Variants in BDH1 observed in about 807,000 individuals in gnomAD.
The protein encoded by BDH1 is 3-hydroxybutyrate dehydrogenase 1, also known as D-beta-hydroxybutyrate dehydrogenase, mitochondrial.
A neutral mutation model predicts 33.1 loss-of-function variants in BDH1; 30 were observed. The observed-to-expected ratio is 0.91, with a 90% CI of 0.68 to 1.23. The LOEUF (loss-of-function observed/expected upper bound fraction) is 1.23. BDH1 is among the 50% of genes most tolerant of loss of function. The pLI, the probability that BDH1 is intolerant of heterozygous loss-of-function variation, is 0.00. For synonymous variants in BDH1, 190 were observed against 183.6 expected (o/e 1.03, Z -0.28); for missense variants, 443 against 464.4 (o/e 0.95, Z 0.42).
rs1230528196 is a variant in BDH1, at chr3:197,520,053, T to C, written c.409+2587A>G. On this transcript the variant is annotated intron_variant, in intron 6 of 7. Transcript: ENST00000392379. The surrounding 1 kb of genome is among the most constrained non-coding windows in gnomAD (Gnocchi z 6.0). ...TGGGGTGTGGGTCGGTGGCGGCCAC[T>C]GCGGGTCGGAACGCTCTGGGAGGGT... Among the ~76,000 whole-genome samples, 1 of 151,746 alleles carries C rather than the reference T, an allele frequency of 6.6e-6. No homozygotes were observed. Among genetic ancestry groups the C allele is most frequent in the African/African-American group, 2.4e-5 (1 of 41,274 alleles).
At chr3:197,524,065 G>A (rs993563307) in intron 5 of BDH1, among the ~76,000 whole-genome samples, 1 of 152,222 alleles carries the variant, frequency 6.6e-6, no homozygotes, top group African/African-American at 2.4e-5. Context: ...CGTGTCACCA[G>A]GCAGGCTGCA....
intron 2 of BDH1, among the ~76,000 whole-genome samples, chr3:197,548,111 C>T (rs141534824): frequency 5.0e-4 from 76 of 152,354 alleles, no homozygotes; most frequent in African/African-American, 1.5e-3. Context: ...TGGATGGGAG[C>T]TGAGCGGGCT....
intron 3 of BDH1, among the ~76,000 whole-genome samples, chr3:197,541,572 C>T (rs1715626650): frequency 2.0e-5 from 3 of 152,006 alleles, no homozygotes; most frequent in Admixed American, 2.0e-4. Flanking sequence ...TTATGGAAAC[C>T]CAGGTGACAG....
At position 197,511,294 on chromosome 3, in the gene BDH1, G is replaced by A. The variant is rs1463111497; in HGVS notation, c.*601C>T. On this transcript the variant is annotated 3_prime_UTR_variant, in exon 8 of 8. Transcript: ENST00000392379. ...AGCCAGCTCTGAGTCACTGGCTGCT[G>A]GCTGGCCAGTCACACAGCACCATGG... 6.6e-6 allele frequency: 1 copy of A among 152,444 alleles called. No homozygotes were observed. Among genetic ancestry groups the A allele is most frequent in the Non-Finnish European group, 1.5e-5 (1 of 68,246 alleles). The allele number at this position is 152,444 out of a possible 1,614,324, so 9.4% of individuals were successfully genotyped here.
At chr3:197,552,260 T>A (rs944107412) in intron 2 of BDH1, among the ~76,000 whole-genome samples, 5 of 152,126 alleles carry the variant, frequency 3.3e-5, no homozygotes, top group Admixed American at 1.3e-4. Context: ...ATATCTAGGA[T>A]CCTCCGCTAC....
At chr3:197,513,830 A>C (rs1712376392) in intron 7 of BDH1, among the ~76,000 whole-genome samples, 1 of 152,198 alleles carries the variant, frequency 6.6e-6, no homozygotes, top group African/African-American at 2.4e-5. Flanking sequence ...CCAAATTTCT[A>C]ATCTTGATTT....
Position 197,533,022 on chromosome 3 carries a change from C to T in BDH1, c.156+467G>A, listed in dbSNP as rs555288934. The stretch of plus-strand genomic sequence containing the variant: ...CCTCCCAAGTAGCTGGGATTACAGG[C>T]ATGCACCTCCACGCCCGGCTAATTT... On this transcript the variant is annotated intron_variant, in intron 4 of 7. Transcript: ENST00000392379. 3.9e-4 allele frequency among the ~76,000 whole-genome samples: 60 copies of T among 152,310 alleles called. 1 individual carries two copies. Among genetic ancestry groups the T allele is most frequent in the Non-Finnish European group, 4.4e-4 (30 of 68,036 alleles).
At chr3:197,518,852 C>A (rs1255690185) in intron 6 of BDH1, among the ~76,000 whole-genome samples, 1 of 20,876 alleles carries the variant, frequency 4.8e-5, no homozygotes, top group Non-Finnish European at 7.9e-5. Context: ...CTCAGGCCGA[C>A]CCCCCTCATC....
chr3:197,510,697 G>GTGTGTGTGTGTGTACA lies in BDH1; in HGVS notation c.*1197_*1198insTGTACACACACACACA, dbSNP rs1711920956. 1 of 101,702 alleles carries GTGTGTGTGTGTGTACA rather than the reference G, an allele frequency of 9.8e-6. No homozygotes were observed. Among genetic ancestry groups the GTGTGTGTGTGTGTACA allele is most frequent in the Non-Finnish European group, 2.1e-5 (1 of 48,760 alleles). 6.3% of individuals were successfully genotyped at this position (101,702 alleles called of 1,614,324 possible). On this transcript the variant is annotated 3_prime_UTR_variant, in exon 8 of 8. Coordinates refer to ENST00000392379, the MANE Select transcript of BDH1 (RefSeq NM_203314.3). Reference sequence around the variant, plus strand: ...ACATGTGTGTAAGGTGTGTGTGTGTGTGTGTGTGTGTGTGTGTGTGTACAT... The same window carrying GTGTGTGTGTGTGTACA: ...ACATGTGTGTAAGGTGTGTGTGTGTGTGTGTGTGTGTGTACATGTGTGTGTGTGTGTGTGTGTACAT...
rs1712687218 is a variant in BDH1, at chr3:197,516,015, G to A, written c.410-1599C>T. Among the ~76,000 whole-genome samples, 1 of 152,140 alleles carries A rather than the reference G, an allele frequency of 6.6e-6. No homozygotes were observed. Among genetic ancestry groups the A allele is most frequent in the Non-Finnish European group, 1.5e-5 (1 of 68,024 alleles). Reference sequence around the variant, plus strand: ...ACGCAGTCTCCAGGGTCTCCAGGGTGGTACACCAAGGACCTCACCCCCAGT... The same window carrying A: ...ACGCAGTCTCCAGGGTCTCCAGGGTAGTACACCAAGGACCTCACCCCCAGT... On this transcript the variant is annotated intron_variant, in intron 6 of 7. Transcript: ENST00000392379. This position sits in a 1 kb window ranked among gnomAD's most constrained non-coding sequence, Gnocchi z 4.2.
Position 197,548,020 on chromosome 3 carries a change from C to G in BDH1, c.-43-1534G>C, listed in dbSNP as rs1716229526. On this transcript the variant is annotated intron_variant, in intron 2 of 7. Transcript: ENST00000392379. ...TCCTAAGCTCAGTGACACCAGGAAT[C>G]CTCTCCACCTGGTTCACCACCAAAT... Among the ~76,000 whole-genome samples the G allele has an allele frequency of 2.0e-5, 3 of 152,216 alleles. 1 individual carries two copies. The highest frequency in any genetic ancestry group is 2.0e-4 in the Admixed American group (3 of 15,284).
chr3:197,515,251 G>A (rs1712571850), intron 6 of BDH1: 2 of 978,492 alleles, frequency 2.0e-6, no homozygotes, highest in African/African-American at 1.8e-5. Flanking sequence ...GAGAATTAAG[G>A]GCATTTATTA....
chr3:197,512,233 T>G lies in BDH1; in HGVS notation c.694A>C (p.Lys232Gln). 6.2e-7 allele frequency: 1 copy of G among 1,613,716 alleles called. No individual in the cohort carries two copies. Among genetic ancestry groups the G allele is most frequent in the Non-Finnish European group, 8.5e-7 (1 of 1,180,020 alleles). ...TTGCCGGGCTCCACCACGCTGACCT[T>G]CACGCCCAGGGGGTACATCTCATAG... is the stretch of plus-strand genomic sequence containing the variant. ...LRYEMYPLGVKVSVVEPGNFI... is the reference protein window; with the variant it reads ...LRYEMYPLGVQVSVVEPGNFI... The change falls in exon 8 of 8, where the codon AAG becomes CAG. Residue 232 changes from lysine to glutamine, a missense_variant. By Grantham distance (53) the Lys-to-Gln change is moderately conservative (BLOSUM62 1). Coordinates refer to ENST00000392379, the MANE Select transcript of BDH1 (RefSeq NM_203314.3).
At chr3:197,556,646 C>A (rs555004221), upstream of BDH1, among the ~76,000 whole-genome samples, 4 of 152,330 alleles carry the variant, frequency 2.6e-5, no homozygotes, top group South Asian at 8.3e-4. Flanking sequence ...CTAGCCTGGG[C>A]GACAGAGTGC....
At chr3:197,568,064 G>A (rs191559330) in intron 1 of BDH1, among the ~76,000 whole-genome samples, 17 of 152,254 alleles carry the variant, frequency 1.1e-4, no homozygotes, top group African/African-American at 4.1e-4. Context: ...GGGTCTGAAT[G>A]CCCCTGGTCT....
chr3:197,511,955 C>G lies in BDH1; in HGVS notation c.972G>C (p.Leu324=). ...RYHPMDYYWW[L]RMQIMTHLPG... ...GCAAGTGGGTCATGATCTGCATTCG[C>G]AGCCACCAGTAGTAGTCCATGGGGT... is the stretch of plus-strand genomic sequence containing the variant. The change falls in exon 8 of 8, where the codon CTG becomes CTC. Residue 324 remains leucine (L), a synonymous_variant. Transcript: ENST00000392379. 1 of 1,598,584 alleles carries G rather than the reference C, an allele frequency of 6.3e-7. No homozygotes were observed. Among genetic ancestry groups the G allele is most frequent in the Non-Finnish European group, 8.5e-7 (1 of 1,170,650 alleles).
chr3:197,563,868 G>A (rs939021069), intron 1 of BDH1, among the ~76,000 whole-genome samples: 1 of 152,072 alleles, frequency 6.6e-6, no homozygotes, highest in Non-Finnish European at 1.5e-5. Flanking sequence ...TTGGGAGGCT[G>A]AGGCAGGCAG....
chr3:197,538,542 G>C (rs2108749670), intron 3 of BDH1: 1 of 363,398 alleles, frequency 2.8e-6, no homozygotes, highest in East Asian at 7.5e-5. Flanking sequence ...AGTAGAGACG[G>C]GGGTTCACCA....
At chr3:197,519,776 G>A (rs1054932517) in intron 6 of BDH1, among the ~76,000 whole-genome samples, 1 of 152,142 alleles carries the variant, frequency 6.6e-6, no homozygotes. Flanking sequence ...GGTGTCCCCT[G>A]GGGTGGGGAC....
Sources: gnomAD v4.1 joint callset for allele counts (sites outside exome capture counted in the v4.1 genomes callset) on GRCh38, gnomAD v4.1.1 for gene constraint, Gnocchi (gnomAD v3.1) non-coding constraint, MANE v1.5 for transcripts, NCBI Gene and HGNC (gene_info 2026-07-23, HGNC 2026-07-21) for gene names.